DYNC1I1: variants seen among roughly 807,000 people sequenced by gnomAD.
DYNC1I1 encodes the protein cytoplasmic dynein 1 intermediate chain 1.
Under a neutral mutation model 86.6 loss-of-function variants are expected in DYNC1I1, and 43 were observed. The ratio of observed to expected loss-of-function variants is 0.50; its 90% CI spans 0.39 to 0.64. DYNC1I1 has a LOEUF of 0.64. DYNC1I1 is among the 30% of genes least tolerant of loss of function. The pLI is 0.00. For synonymous variants in DYNC1I1, 262 were observed against 283.7 expected, an observed-to-expected ratio of 0.92 and a Z score of 0.77; for missense variants, 604 against 788.8, an observed-to-expected ratio of 0.77 and a Z score of 2.81.
At chr7:95,879,587 TAAC>T (rs1790399048) in intron 6 of DYNC1I1, among the ~76,000 whole-genome samples, 1 of 152,074 alleles carries the variant, frequency 6.6e-6, no homozygotes, top group Non-Finnish European at 1.5e-5. Context: ...AAGAAAGTCA[TAAC>T]AAATAACTAG....
chr7:95,933,269 C>A (rs1044837055), intron 6 of DYNC1I1, among the ~76,000 whole-genome samples: 2 of 152,148 alleles, frequency 1.3e-5, no homozygotes, highest in African/African-American at 4.8e-5. Context: ...GATAAAATAT[C>A]AGCTGTCATT....
intron 10 of DYNC1I1, among the ~76,000 whole-genome samples, chr7:96,017,004 G>C (rs1794418416): frequency 6.6e-6 from 1 of 152,118 alleles, no homozygotes; most frequent in Non-Finnish European, 1.5e-5. Flanking sequence ...CTAAACTGGA[G>C]ACATTCACAA....
At chr7:95,892,041 C>T (rs1248638787) in intron 6 of DYNC1I1, among the ~76,000 whole-genome samples, 4 of 152,104 alleles carry the variant, frequency 2.6e-5, no homozygotes, top group African/African-American at 7.2e-5. Context: ...CATTTCGGCT[C>T]ATTGCAACCT....
chr7:96,035,474 A>T, intron 12 of DYNC1I1, 145 bp from the exon 13 acceptor site: 1 of 1,091,972 alleles, frequency 9.2e-7, no homozygotes, highest in Non-Finnish European at 1.2e-6. Context: ...CAGGGGCAGT[A>T]AAGCATGGTT....
At chr7:95,809,729 T>G (rs1333956406) in intron 2 of DYNC1I1, among the ~76,000 whole-genome samples, 1 of 152,168 alleles carries the variant, frequency 6.6e-6, no homozygotes, top group Non-Finnish European at 1.5e-5. Flanking sequence ...AGGAATTTCT[T>G]GTAAATGTTT....
At chr7:96,081,262 A>G (rs1173071481) in intron 16 of DYNC1I1, among the ~76,000 whole-genome samples, 1 of 151,908 alleles carries the variant, frequency 6.6e-6, no homozygotes, top group Non-Finnish European at 1.5e-5. Context: ...TATGAGATAT[A>G]TACCTTTCTA....
intron 1 of DYNC1I1, among the ~76,000 whole-genome samples, chr7:95,801,398 T>C (rs1342140541): frequency 6.6e-6 from 1 of 152,256 alleles, no homozygotes; most frequent in Admixed American, 6.5e-5. Context: ...TTACTTCCCT[T>C]TTGTGATTGA....
intron 6 of DYNC1I1, among the ~76,000 whole-genome samples, chr7:95,972,733 A>C (rs1421839527): frequency 6.6e-6 from 1 of 152,158 alleles, no homozygotes; most frequent in African/African-American, 2.4e-5. Context: ...AGAGCCATGG[A>C]CTAGTGGAGG....
intron 6 of DYNC1I1, among the ~76,000 whole-genome samples, chr7:95,882,690 G>A (rs1790485859): frequency 6.6e-6 from 1 of 152,122 alleles, no homozygotes; most frequent in African/African-American, 2.4e-5. Context: ...ATTTAACCCA[G>A]ATCTTAAGAT....
In DYNC1I1 at chr7:96,052,550, A is replaced by T. The variant is rs545684150; in HGVS notation, c.1509+13129A>T. On this transcript the variant is annotated intron_variant, in intron 14 of 16. Coordinates refer to ENST00000447467, the MANE Select transcript of DYNC1I1 (RefSeq NM_001135556.2). ...AGTTCTTGTGAAGATTAAATGAGTG[A>T]ATAGTTGTAAAGATGTTAAAACCAT... Among the ~76,000 whole-genome samples, 10 of 152,338 alleles carry T rather than the reference A, an allele frequency of 6.6e-5. No individual in the cohort carries two copies. In the East Asian group the frequency reaches 1.9e-3, roughly 29 times the overall value.
At chr7:95,894,785 T>C (rs1356418911) in intron 6 of DYNC1I1, among the ~76,000 whole-genome samples, 1 of 152,208 alleles carries the variant, frequency 6.6e-6, no homozygotes, top group Non-Finnish European at 1.5e-5. Flanking sequence ...CTGCTGGTTG[T>C]GGAAACATTT....
chr7:96,040,489 A>C (rs1384356817), intron 14 of DYNC1I1, among the ~76,000 whole-genome samples: 1 of 152,092 alleles, frequency 6.6e-6, no homozygotes, highest in East Asian at 1.9e-4. Context: ...ATCAGCAGAT[A>C]ACCCAGGTTT....
At chr7:95,785,701 A>G (rs1475980828) in intron 1 of DYNC1I1, among the ~76,000 whole-genome samples, 1 of 149,256 alleles carries the variant, frequency 6.7e-6, no homozygotes, top group East Asian at 2.0e-4. Flanking sequence ...GCAACTTTAT[A>G]TATATACACT....
At chr7:95,902,706 T>C (rs1791071234) in intron 6 of DYNC1I1, among the ~76,000 whole-genome samples, 1 of 152,200 alleles carries the variant, frequency 6.6e-6, no homozygotes, top group African/African-American at 2.4e-5. Context: ...CGTAGTCGTC[T>C]AAAAACATGA....
chr7:95,951,576 C>T (rs1241473875), intron 6 of DYNC1I1, among the ~76,000 whole-genome samples: 1 of 152,188 alleles, frequency 6.6e-6, no homozygotes, highest in Admixed American at 6.5e-5. Context: ...CAACCTATTA[C>T]AGATTAAGAT....
chr7:96,026,755 A>G (rs1040748691), intron 10 of DYNC1I1, among the ~76,000 whole-genome samples: 3 of 152,112 alleles, frequency 2.0e-5, no homozygotes, highest in African/African-American at 4.8e-5. Flanking sequence ...TGTTCCATAT[A>G]TACTTCAAGG....
chr7:96,072,292 G>A (rs1256502970), intron 14 of DYNC1I1, among the ~76,000 whole-genome samples: 1 of 152,150 alleles, frequency 6.6e-6, no homozygotes, highest in South Asian at 2.1e-4. Context: ...GAAGCACAAG[G>A]TGTCACAATT....
At chr7:95,911,497 G>A (rs1296167700) in intron 6 of DYNC1I1, among the ~76,000 whole-genome samples, 1 of 152,130 alleles carries the variant, frequency 6.6e-6, no homozygotes, top group Non-Finnish European at 1.5e-5. Context: ...AGGAGGGAAG[G>A]AACAATATCA....
chr7:95,864,800 T>C (rs964882208), intron 5 of DYNC1I1, among the ~76,000 whole-genome samples: 1 of 152,148 alleles, frequency 6.6e-6, no homozygotes, highest in African/African-American at 2.4e-5. Flanking sequence ...CAAAGACGTC[T>C]GCCCATTCAG....
Sources: gnomAD v4.1 joint callset for allele counts (sites outside exome capture counted in the v4.1 genomes callset) on GRCh38, gnomAD v4.1.1 for gene constraint, MANE v1.5 for transcripts, NCBI Gene and HGNC (gene_info 2026-07-23, HGNC 2026-07-21) for gene names.